The following NXPE4 variants were observed in gnomAD, a reference collection of about 807,000 sequenced individuals.
The protein encoded by NXPE4 is NXPE family member 4.
A neutral mutation model predicts 33.3 loss-of-function variants in NXPE4; 42 were observed. The observed-to-expected ratio is 1.26, with a 90% CI of 0.98 to 1.63. NXPE4 has a LOEUF of 1.63. Ranked by LOEUF, NXPE4 falls within the 40% of genes most tolerant of loss-of-function variation. NXPE4 has a pLI of 0.00. For synonymous variants in NXPE4, 253 were observed against 234.9 expected (o/e 1.08, Z -0.71); for missense variants, 709 against 647.6 (o/e 1.09, Z -1.03).
chr11:114,598,764 A>G (rs1044805213), upstream of NXPE4, among the ~76,000 whole-genome samples: 7 of 151,964 alleles, frequency 4.6e-5, no homozygotes, highest in African/African-American at 1.2e-4. Flanking sequence ...TCACAAAACC[A>G]TTCTTCCCTT....
At chr11:114,582,047 A>T (rs1949158351) in intron 3 of NXPE4, among the ~76,000 whole-genome samples, 1 of 152,080 alleles carries the variant, frequency 6.6e-6, no homozygotes, top group Admixed American at 6.6e-5. Context: ...TGCATTTCTC[A>T]TTTTCTTCTA....
chr11:114,582,721 A>T lies in NXPE4; in HGVS notation c.397T>A (p.Tyr133Asn), dbSNP rs749055897. Reference sequence around the variant, plus strand: ...CTGGCCCTCAGGAAATCCCCGCCATATTGCTTCCTGCGTCCCAAGTGGTCC... The same window carrying T: ...CTGGCCCTCAGGAAATCCCCGCCATTTTGCTTCCTGCGTCCCAAGTGGTCC... The part of the protein sequence containing the change: ...VRDHLGRRKQ[Y>N]GGDFLRARMS... The change falls in exon 3 of 6, where the codon TAT becomes AAT. Residue 133 changes from tyrosine to asparagine, a missense_variant. Transcript: ENST00000375478. 2 of 1,613,978 alleles carry T rather than the reference A, an allele frequency of 1.2e-6. No individual in the cohort carries two copies. Among genetic ancestry groups the T allele is most frequent in the Non-Finnish European group, 1.7e-6 (2 of 1,179,988 alleles).
chr11:114,647,869 G>T, the NXPE4 span, among the ~76,000 whole-genome samples: 4 of 151,944 alleles, frequency 2.6e-5, no homozygotes, highest in African/African-American at 9.6e-5. Flanking sequence ...GCATGGCTAA[G>T]TTTTGTAATT....
chr11:114,628,254 G>C, the NXPE4 span, among the ~76,000 whole-genome samples: 1 of 148,216 alleles, frequency 6.7e-6, no homozygotes, highest in Admixed American at 6.8e-5. Context: ...TTCCAAAATT[G>C]ACCATATACT....
the NXPE4 span, among the ~76,000 whole-genome samples, chr11:114,619,077 T>C: frequency 6.6e-6 from 1 of 151,952 alleles, no homozygotes; most frequent in Non-Finnish European, 1.5e-5. Context: ...ATAATAAGTA[T>C]TGCATCATGG....
chr11:114,629,344 T>G, the NXPE4 span, among the ~76,000 whole-genome samples: 256 of 146,818 alleles, frequency 1.7e-3, no homozygotes, highest in African/African-American at 5.4e-3. Flanking sequence ...GCTTCATCCC[T>G]GGGATGCAAG....
chr11:114,631,731 G>T, the NXPE4 span, among the ~76,000 whole-genome samples: 1 of 151,832 alleles, frequency 6.6e-6, no homozygotes, highest in African/African-American at 2.4e-5. Context: ...AATAAGTATT[G>T]CCTCGTGGGT....
At chr11:114,600,378 C>A (rs1342715914), upstream of NXPE4, among the ~76,000 whole-genome samples, 1 of 152,024 alleles carries the variant, frequency 6.6e-6, no homozygotes, top group Non-Finnish European at 1.5e-5. Flanking sequence ...CATGAAATGA[C>A]CCATTTTCCT....
the NXPE4 span, among the ~76,000 whole-genome samples, chr11:114,618,843 T>C: frequency 2.0e-3 from 273 of 139,524 alleles, no homozygotes; most frequent in Non-Finnish European, 2.9e-3. Context: ...TGGGCAACCA[T>C]TGGTACCCAG....
chr11:114,586,229 C>T (rs1341873991), intron 2 of NXPE4, among the ~76,000 whole-genome samples: 1 of 152,158 alleles, frequency 6.6e-6, no homozygotes, highest in Non-Finnish European at 1.5e-5. Context: ...TTTCTTTTGC[C>T]TGTTAAACCT....
At chr11:114,629,293 C>A in the NXPE4 span, among the ~76,000 whole-genome samples, 1 of 152,028 alleles carries the variant, frequency 6.6e-6, no homozygotes, top group Non-Finnish European at 1.5e-5. Context: ...CAAACGGAAT[C>A]CAGCAGCACA....
chr11:114,658,869 C>T, the NXPE4 span, among the ~76,000 whole-genome samples: 3 of 152,152 alleles, frequency 2.0e-5, no homozygotes, highest in Non-Finnish European at 4.4e-5. Context: ...CTCACTCATT[C>T]TCCCAGTAGG....
At chr11:114,639,810 T>TAATATAAAATGTAATATATATTATGTTA in the NXPE4 span, among the ~76,000 whole-genome samples, 9 of 77,950 alleles carry the variant, frequency 1.2e-4, no homozygotes, top group African/African-American at 4.2e-4. Flanking sequence ...AAATATAAAA[T>TAATATAAAATGTAATATATATTATGTTA]AATATAAAAT....
At chr11:114,649,446 C>T in the NXPE4 span, among the ~76,000 whole-genome samples, 1 of 152,124 alleles carries the variant, frequency 6.6e-6, no homozygotes, top group Non-Finnish European at 1.5e-5. Flanking sequence ...ATGGAAGGAC[C>T]TCACAACTAT....
rs751352671 is a variant in NXPE4 at position 114,581,711 on chromosome 11, A to G, written c.892+14T>C. The G allele has an allele frequency of 5.6e-6, 9 of 1,604,556 alleles. No homozygotes were observed. Among genetic ancestry groups the G allele is most frequent in the Admixed American group, 3.4e-5 (2 of 59,524 alleles). On this transcript the variant is annotated intron_variant, in intron 4 of 5. Transcript: ENST00000375478. ...TAGAACTAGGCACCACCCACCAAAC[A>G]CAGGAGTACTTACTGTTGCATTTGG...
chr11:114,629,963 AG>A, the NXPE4 span, among the ~76,000 whole-genome samples: 1 of 150,536 alleles, frequency 6.6e-6, no homozygotes, highest in African/African-American at 2.5e-5. Context: ...CCAACTTACA[AG>A]GGACGTGAAG....
intron 2 of NXPE4, 85 bp downstream of exon 2, chr11:114,594,579 T>A: frequency 1.2e-6 from 1 of 831,770 alleles, no homozygotes; most frequent in Non-Finnish European, 2.0e-6. Context: ...AATCTACAAG[T>A]CTTGTAGTTT....
chr11:114,600,916 A>C, the NXPE4 span, among the ~76,000 whole-genome samples: 1 of 152,016 alleles, frequency 6.6e-6, no homozygotes, highest in Non-Finnish European at 1.5e-5. Context: ...TCAAATGGGA[A>C]AATATAATAT....
the NXPE4 span, among the ~76,000 whole-genome samples, chr11:114,673,062 G>A: frequency 2.0e-5 from 3 of 147,768 alleles, no homozygotes; most frequent in Non-Finnish European, 4.5e-5. Context: ...CATAAAACAA[G>A]CCTATATATA....
Sources: allele counts gnomAD v4.1 joint callset (sites outside exome capture counted in the v4.1 genomes callset), GRCh38; gene constraint gnomAD v4.1.1; transcripts MANE v1.5; gene names NCBI Gene and HGNC (gene_info 2026-07-23, HGNC 2026-07-21).